Variants in SOCS2 observed in about 807,000 individuals in gnomAD.
The protein encoded by SOCS2 is suppressor of cytokine signaling 2.
SOCS2 carries 10 observed loss-of-function variants against 18.6 expected under a neutral mutation model. That is an observed-to-expected ratio of 0.54 (90% CI 0.33 to 0.91). The LOEUF is 0.91. Among genes scored for constraint, SOCS2 ranks in the 40% least tolerant of loss-of-function variants. The pLI is 0.02. For synonymous variants in SOCS2, 104 were observed against 104.0 expected (o/e 1.00, Z 0.00); for missense variants, 231 against 247.2 (o/e 0.93, Z 0.44).
chr12:93,611,915 T>C, the SOCS2 span, among the ~76,000 whole-genome samples: 1 of 152,172 alleles, frequency 6.6e-6, no homozygotes, highest in Admixed American at 6.5e-5. Flanking sequence ...TGCTTCTCTG[T>C]TTTCTTTACA....
downstream of SOCS2, among the ~76,000 whole-genome samples, chr12:93,586,854 G>C (rs956364555): frequency 2.0e-5 from 3 of 152,114 alleles, no homozygotes; most frequent in Non-Finnish European, 2.9e-5. Context: ...CATGAAGCAA[G>C]GTTCTGAGGA....
At chr12:93,603,921 G>GT in the SOCS2 span, among the ~76,000 whole-genome samples, 1 of 152,208 alleles carries the variant, frequency 6.6e-6, no homozygotes, top group African/African-American at 2.4e-5. Flanking sequence ...TATTATCAGA[G>GT]TAGCTGCACC....
chr12:93,581,406 A>G (rs146506117), downstream of SOCS2, among the ~76,000 whole-genome samples: 30 of 152,016 alleles, frequency 2.0e-4, no homozygotes, highest in East Asian at 5.8e-3. Flanking sequence ...TGAACAATTC[A>G]AGGAATGATT....
the SOCS2 span, among the ~76,000 whole-genome samples, chr12:93,611,864 AT>A: frequency 2.5e-4 from 37 of 149,998 alleles, no homozygotes; most frequent in South Asian, 8.4e-4. Context: ...GTTTATATTG[AT>A]TTTTTTTTTC....
downstream of SOCS2, among the ~76,000 whole-genome samples, chr12:93,585,263 C>T (rs776121750): frequency 2.0e-5 from 3 of 152,190 alleles, no homozygotes; most frequent in Non-Finnish European, 4.4e-5. Flanking sequence ...CATCTATACA[C>T]ATCTGTCATA....
the SOCS2 span, among the ~76,000 whole-genome samples, chr12:93,614,618 T>G: frequency 7.6e-6 from 1 of 131,654 alleles, no homozygotes; most frequent in Non-Finnish European, 1.6e-5. Flanking sequence ...TTTCTTTCTT[T>G]CTTTCTTTCT....
At chr12:93,573,106 G>A (rs765674897) in intron 1 of SOCS2, 70 bp downstream of exon 1, 2 of 1,524,882 alleles carry the variant, frequency 1.3e-6, no homozygotes, top group Non-Finnish European at 1.8e-6. Context: ...AGGAAGCGGG[G>A]TCGAGGTGGG....
the SOCS2 span, among the ~76,000 whole-genome samples, chr12:93,601,361 G>A: frequency 6.6e-5 from 10 of 151,602 alleles, no homozygotes; most frequent in East Asian, 9.7e-4. Context: ...TGCAACCTCC[G>A]CCTCCTGGGT....
the SOCS2 span, among the ~76,000 whole-genome samples, chr12:93,593,006 A>T: frequency 6.6e-6 from 1 of 150,988 alleles, no homozygotes; most frequent in African/African-American, 2.4e-5. Flanking sequence ...CAACTATAGT[A>T]AAAGTTTCTC....
chr12:93,610,124 T>C, the SOCS2 span, among the ~76,000 whole-genome samples: 38,938 of 152,150 alleles, frequency 0.26, 9,724 homozygotes, highest in African/African-American at 0.65. Context: ...CTTCAGGGAA[T>C]ACGTTCAAAC....
At chr12:93,610,366 A>C in the SOCS2 span, among the ~76,000 whole-genome samples, 2 of 152,084 alleles carry the variant, frequency 1.3e-5, no homozygotes, top group Admixed American at 1.3e-4. Context: ...GTTCAAACAC[A>C]ACTTCCTGGA....
At chr12:93,613,202 A>C in the SOCS2 span, among the ~76,000 whole-genome samples, 1 of 152,238 alleles carries the variant, frequency 6.6e-6, no homozygotes, top group African/African-American at 2.4e-5. Flanking sequence ...ATGAGAATAA[A>C]GAGCCTTTTA....
At chr12:93,621,998 T>G in the SOCS2 span, among the ~76,000 whole-genome samples, 4 of 152,230 alleles carry the variant, frequency 2.6e-5, no homozygotes, top group Non-Finnish European at 4.4e-5. Context: ...TTAATTTAGT[T>G]CTTACAACAA....
the SOCS2 span, among the ~76,000 whole-genome samples, chr12:93,614,396 T>C: frequency 7.1e-5 from 10 of 141,648 alleles, no homozygotes; most frequent in South Asian, 2.3e-4. Context: ...TTTCTTTCTT[T>C]CTTTCTTTCT....
chr12:93,621,614 C>A, the SOCS2 span, among the ~76,000 whole-genome samples: 2,302 of 152,218 alleles, frequency 0.015, 131 homozygotes, highest in Admixed American at 0.11. Context: ...GTACCTGGGA[C>A]CACAAGCACA....
the SOCS2 span, among the ~76,000 whole-genome samples, chr12:93,610,273 T>A: frequency 6.6e-6 from 1 of 152,160 alleles, no homozygotes; most frequent in Non-Finnish European, 1.5e-5. Context: ...ACTTTCCAGT[T>A]TTAGCACTAA....
chr12:93,581,431 T>C (rs905549017), downstream of SOCS2, among the ~76,000 whole-genome samples: 3 of 151,886 alleles, frequency 2.0e-5, no homozygotes, highest in Admixed American at 6.6e-5. Context: ...TTTTTTTTAA[T>C]GTGTGTCAAT....
the SOCS2 span, among the ~76,000 whole-genome samples, chr12:93,617,510 A>G: frequency 3.9e-4 from 59 of 152,242 alleles, no homozygotes; most frequent in African/African-American, 1.3e-3. Context: ...TAAAAACACC[A>G]CAGTATGTTA....
downstream of SOCS2, among the ~76,000 whole-genome samples, chr12:93,577,849 C>T (rs545434860): frequency 6.6e-6 from 1 of 152,184 alleles, no homozygotes; most frequent in South Asian, 2.1e-4. Flanking sequence ...TTGGTAGCCC[C>T]ATTTATACAT....
Sources: allele counts gnomAD v4.1 joint callset (sites outside exome capture counted in the v4.1 genomes callset), GRCh38; gene constraint gnomAD v4.1.1; transcripts MANE v1.5; gene names NCBI Gene and HGNC (gene_info 2026-07-23, HGNC 2026-07-21).